PIH1D2: variants seen among roughly 807,000 people sequenced by gnomAD.
PIH1D2 encodes the protein PIH1 domain containing 2, also known as PIH1 domain-containing protein 2.
A neutral mutation model predicts 31.2 loss-of-function variants in PIH1D2; 25 were observed. The observed-to-expected ratio is 0.80, with a 90% CI of 0.58 to 1.12. The LOEUF (loss-of-function observed/expected upper bound fraction) is 1.12, where lower values mean the gene tolerates loss of function less well. Among genes scored for constraint, PIH1D2 ranks in the 50% most tolerant of loss-of-function variants. The probability of loss-of-function intolerance (pLI) is 0.00; values close to 1 mark genes in which losing one functional copy is unlikely to be tolerated. For missense variants in PIH1D2, 310 were observed against 356.6 expected, an observed-to-expected ratio of 0.87 and a Z score of 1.05; for synonymous variants, 116 against 119.9, an observed-to-expected ratio of 0.97 and a Z score of 0.21.
chr11:112,070,807 A>C (rs1261722298), intron 4 of PIH1D2, 106 bp from the exon 5 acceptor site: 13 of 1,311,218 alleles, frequency 9.9e-6, no homozygotes, highest in Non-Finnish European at 1.3e-5. Flanking sequence ...ATAAAGCTGC[A>C]GTTAAATTAG....
chr11:112,069,602 T>C (rs1865048010), intron 5 of PIH1D2: 1 of 151,730 alleles, frequency 6.6e-6, no homozygotes, highest in African/African-American at 2.4e-5. Flanking sequence ...CCAAGGTGGA[T>C]AGTGGGAAAG....
intron 1 of PIH1D2, among the ~76,000 whole-genome samples, chr11:112,073,774 G>T (rs1865227737): frequency 6.6e-6 from 1 of 152,208 alleles, no homozygotes; most frequent in Non-Finnish European, 1.5e-5. Context: ...TACGTCTTCA[G>T]ATAAATCTCC....
At chr11:112,062,318 A>G (rs1398579241), downstream of PIH1D2, 1 of 1,410,294 alleles carries the variant, frequency 7.1e-7, no homozygotes, top group African/African-American at 1.4e-5. Flanking sequence ...GGTTGGGATT[A>G]TAGGGTAGGA....
At chr11:112,071,542 TAA>T (rs1865111121) in intron 3 of PIH1D2, 91 bp downstream of exon 3, 5 of 1,442,670 alleles carry the variant, frequency 3.5e-6, no homozygotes, top group Admixed American at 4.1e-5. Context: ...TATCAACAAA[TAA>T]AGAGTTTTAC....
the PIH1D2 span, among the ~76,000 whole-genome samples, chr11:112,056,558 C>T: frequency 6.6e-6 from 1 of 152,274 alleles, no homozygotes; most frequent in Non-Finnish European, 1.5e-5. Context: ...TTAATCGTAT[C>T]AATATACCTC....
intron 5 of PIH1D2, among the ~76,000 whole-genome samples, chr11:112,069,247 C>T (rs1339696555): frequency 2.6e-5 from 4 of 151,912 alleles, no homozygotes; most frequent in African/African-American, 9.7e-5. Context: ...AGGCAATCCA[C>T]CCCCCTTCGG....
intron 2 of PIH1D2, 119 bp downstream of exon 2, chr11:112,072,878 AC>A (rs1865177521): frequency 3.7e-6 from 4 of 1,093,908 alleles, no homozygotes; most frequent in Non-Finnish European, 5.0e-6. Flanking sequence ...ACAAAACAAA[AC>A]AAAACAAAAC....
At chr11:112,059,884 T>C, downstream of PIH1D2, 2 of 1,555,246 alleles carry the variant, frequency 1.3e-6, no homozygotes, top group Non-Finnish European at 8.7e-7. Flanking sequence ...TTATTATATT[T>C]ATTTTTCTTT....
At chr11:112,072,879 C>CA (rs781787687) in intron 2 of PIH1D2, 119 bp downstream of exon 2, 3 of 1,083,132 alleles carry the variant, frequency 2.8e-6, no homozygotes, top group East Asian at 2.7e-5. Flanking sequence ...CAAAACAAAA[C>CA]AAAACAAAAC....
chr11:112,064,472 A>G (rs587732322), downstream of PIH1D2: 14 of 424,236 alleles, frequency 3.3e-5, no homozygotes, highest in Admixed American at 3.7e-4. Context: ...ATGTATGTAT[A>G]AGCTCTCAAT....
downstream of PIH1D2, chr11:112,062,288 G>GTAGA: frequency 1.9e-6 from 2 of 1,068,286 alleles, no homozygotes; most frequent in South Asian, 2.8e-5. Flanking sequence ...GACTGGAAGA[G>GTAGA]TAGATAGGAA....
At chr11:112,067,447 T>G (rs1864958156), downstream of PIH1D2, among the ~76,000 whole-genome samples, 1 of 150,972 alleles carries the variant, frequency 6.6e-6, no homozygotes, top group South Asian at 2.1e-4. Flanking sequence ...GTGGATCACC[T>G]GAGGTCAGGA....
downstream of PIH1D2, among the ~76,000 whole-genome samples, chr11:112,059,697 CTTT>C (rs1391509935): frequency 4.6e-5 from 7 of 152,072 alleles, no homozygotes; most frequent in African/African-American, 7.2e-5. Context: ...CCGGACCTCT[CTTT>C]GATTTTTAAT....
chr11:112,054,958 T>C, the PIH1D2 span, among the ~76,000 whole-genome samples: 5 of 152,322 alleles, frequency 3.3e-5, no homozygotes, highest in East Asian at 9.6e-4. Context: ...ACAGTTGGTA[T>C]TGGATTTAGG....
In PIH1D2 at chr11:112,071,661, T is replaced by C. The variant is rs1865117898; in HGVS notation, c.275A>G (p.Lys92Arg). The change falls in exon 3 of 6, where the codon AAA becomes AGA. Residue 92 changes from lysine to arginine, a missense_variant. Lys to Arg is a conservative substitution (Grantham distance 26). Coordinates refer to ENST00000280350, the MANE Select transcript of PIH1D2 (RefSeq NM_138789.4). Reference protein sequence around the residue: ...TTHPVPLTVGKPEDTTEISDA... With the variant: ...TTHPVPLTVGRPEDTTEISDA... ...TGATATCTCAGTTGTATCTTCTGGT[T>C]TGCCAACAGTTAGAGGTACTGGATG... 6.2e-7 allele frequency: 1 copy of C among 1,613,830 alleles called. No homozygotes were observed.
chr11:112,071,786 C>CA (rs1555184715), intron 2 of PIH1D2, 28 bp from the exon 3 acceptor site: 1 of 1,612,714 alleles, frequency 6.2e-7, no homozygotes, highest in East Asian at 2.2e-5. Context: ...TTGCACATCT[C>CA]AAAACCTAGT....
At chr11:112,055,177 C>T in the PIH1D2 span, among the ~76,000 whole-genome samples, 1 of 151,700 alleles carries the variant, frequency 6.6e-6, no homozygotes, top group Non-Finnish European at 1.5e-5. Flanking sequence ...TTTTCTGGAG[C>T]CTGGCAGAAA....
At position 112,073,152 on chromosome 11, in the gene PIH1D2, A is replaced by G. The variant is rs372025142; in HGVS notation, c.23T>C (p.Leu8Pro). The change falls in exon 2 of 6, where the codon CTG (leucine) becomes CCG (proline). Residue 8 changes from leucine (L) to proline (P), a missense_variant. By Grantham distance (98) the Leu-to-Pro change is moderately conservative. Coordinates refer to ENST00000280350, the MANE Select transcript of PIH1D2 (RefSeq NM_138789.4). METSSKG[L>P]LTQVTQFWNL... is the part of the protein sequence containing the mutation. The stretch of plus-strand genomic sequence containing the variant: ...CCAAAACTGAGTAACTTGGGTAAGC[A>G]GACCTTTTGAGGATGTCTCCATGAC... 1.9e-6 allele frequency: 3 copies of G among 1,612,804 alleles called. No individual in the cohort carries two copies. Among genetic ancestry groups the G allele is most frequent in the Non-Finnish European group, 2.5e-6 (3 of 1,179,034 alleles).
intron 3 of PIH1D2, 121 bp from the exon 4 acceptor site, chr11:112,071,404 G>T: frequency 1.5e-6 from 2 of 1,348,096 alleles, no homozygotes; most frequent in Non-Finnish European, 2.0e-6. Context: ...TTTTTCAGAG[G>T]TAATCACAGT....
Sources: allele counts gnomAD v4.1 joint callset (sites outside exome capture counted in the v4.1 genomes callset), GRCh38; gene constraint gnomAD v4.1.1; transcripts MANE v1.5; gene names NCBI Gene and HGNC (gene_info 2026-07-23, HGNC 2026-07-21).